Variants in CTNNA3 observed in about 807,000 individuals in gnomAD.
The protein encoded by CTNNA3 is catenin alpha 3, also known as catenin alpha-3.
A neutral mutation model predicts 95.7 loss-of-function variants in CTNNA3; 76 were observed. The ratio of observed to expected loss-of-function variants is 0.79; its 90% CI spans 0.66 to 0.96. The LOEUF (loss-of-function observed/expected upper bound fraction) is 0.96. Ranked by LOEUF, CTNNA3 falls within the 40% of genes least tolerant of loss-of-function variation. The pLI, the probability that CTNNA3 is intolerant of heterozygous loss-of-function variation, is 0.00. For missense variants in CTNNA3, 1,191 were observed against 1,089.8 expected (o/e 1.09, Z -1.31); for synonymous variants, 431 against 374.4 (o/e 1.15, Z -1.74).
chr10:66,569,433 A>G (rs1842804043), intron 10 of CTNNA3, among the ~76,000 whole-genome samples: 2 of 152,320 alleles, frequency 1.3e-5, no homozygotes, highest in Non-Finnish European at 1.5e-5. Context: ...GAAGCATAAT[A>G]TGCAACAGAT....
intron 7 of CTNNA3, among the ~76,000 whole-genome samples, chr10:66,858,376 C>T (rs965172105): frequency 7.2e-5 from 11 of 151,912 alleles, no homozygotes; most frequent in Non-Finnish European, 1.5e-4. Flanking sequence ...GTTGTTGTGT[C>T]TCTGCCAGGT....
intron 7 of CTNNA3, among the ~76,000 whole-genome samples, chr10:67,166,603 A>G (rs1185789939): frequency 6.6e-6 from 1 of 152,168 alleles, no homozygotes; most frequent in Non-Finnish European, 1.5e-5. Context: ...TTTCTAATAA[A>G]GCTGTAACTA....
intron 9 of CTNNA3, among the ~76,000 whole-genome samples, chr10:66,654,458 A>G (rs543838118): frequency 2.0e-5 from 3 of 152,174 alleles, no homozygotes; most frequent in Middle Eastern, 3.4e-3. Context: ...AAAGATAAGT[A>G]TTGGAGAGGA....
intron 5 of CTNNA3, among the ~76,000 whole-genome samples, chr10:67,472,699 T>C (rs1350276579): frequency 6.6e-6 from 1 of 152,136 alleles, no homozygotes; most frequent in African/African-American, 2.4e-5. Context: ...AGCCTGGGAC[T>C]GGGGGGATAG....
intron 5 of CTNNA3, among the ~76,000 whole-genome samples, chr10:67,329,392 T>C (rs1354342176): frequency 2.0e-5 from 3 of 152,114 alleles, no homozygotes; most frequent in Non-Finnish European, 2.9e-5. Flanking sequence ...CAAATAAAAG[T>C]CAAATGGTAA....
intron 1 of CTNNA3, among the ~76,000 whole-genome samples, chr10:67,763,015 T>G (rs186477745): frequency 5.3e-5 from 8 of 152,268 alleles, no homozygotes; most frequent in Non-Finnish European, 1.2e-4. Flanking sequence ...TTGCCGATGC[T>G]CCCAGCCAAA....
intron 7 of CTNNA3, among the ~76,000 whole-genome samples, chr10:67,028,602 C>A (rs1315882043): frequency 1.3e-5 from 2 of 149,876 alleles, no homozygotes; most frequent in Non-Finnish European, 3.0e-5. Flanking sequence ...ATTTTCCAGG[C>A]CAAGAAGGAA....
At chr10:66,668,422 A>ATGTG (rs3055580) in intron 9 of CTNNA3, among the ~76,000 whole-genome samples, 42,523 of 146,782 alleles carry the variant, frequency 0.29, 7,188 homozygotes, top group East Asian at 0.43. Flanking sequence ...CAACTCTCAT[A>ATGTG]TGTGTGTGTG....
chr10:66,847,317 C>G (rs1843316382), intron 7 of CTNNA3, among the ~76,000 whole-genome samples: 1 of 152,094 alleles, frequency 6.6e-6, no homozygotes, highest in African/African-American at 2.4e-5. Flanking sequence ...ATCTATCATT[C>G]CAAATTGACA....
chr10:66,598,964 A>G (rs1359748210), intron 10 of CTNNA3, among the ~76,000 whole-genome samples: 1 of 151,956 alleles, frequency 6.6e-6, no homozygotes, highest in African/African-American at 2.4e-5. Flanking sequence ...GAACAAATCT[A>G]GAGGCATCAC....
At chr10:66,255,615 C>T (rs1263073138) in intron 13 of CTNNA3, among the ~76,000 whole-genome samples, 1 of 152,166 alleles carries the variant, frequency 6.6e-6, no homozygotes, top group Non-Finnish European at 1.5e-5. Context: ...TTTCCATCTG[C>T]TTCATCCCCC....
At chr10:66,255,246 C>A (rs994591792) in intron 13 of CTNNA3, among the ~76,000 whole-genome samples, 1 of 152,130 alleles carries the variant, frequency 6.6e-6, no homozygotes, top group African/African-American at 2.4e-5. Context: ...ATGGTAGGCA[C>A]CCCCAGATAG....
intron 5 of CTNNA3, among the ~76,000 whole-genome samples, chr10:67,368,129 G>A (rs1843284579): frequency 6.6e-6 from 1 of 152,034 alleles, no homozygotes. Flanking sequence ...AAAAATAAAT[G>A]TCCCACAAAG....
intron 17 of CTNNA3, among the ~76,000 whole-genome samples, chr10:65,921,045 T>C (rs143012695): frequency 1.6e-4 from 24 of 152,326 alleles, no homozygotes; most frequent in African/African-American, 5.5e-4. Flanking sequence ...TAGAATCCTG[T>C]TAAATATTAT....
intron 10 of CTNNA3, among the ~76,000 whole-genome samples, chr10:66,593,499 C>T (rs1050397137): frequency 2.0e-5 from 3 of 152,060 alleles, no homozygotes; most frequent in Non-Finnish European, 4.4e-5. Flanking sequence ...AGGGTAGGGC[C>T]TCAATATTTG....
At chr10:67,689,120 C>T (rs952028489) in intron 1 of CTNNA3, among the ~76,000 whole-genome samples, 1 of 152,112 alleles carries the variant, frequency 6.6e-6, no homozygotes, top group African/African-American at 2.4e-5. Context: ...TGGGACCTTA[C>T]CACTGTCCTA....
intron 11 of CTNNA3, among the ~76,000 whole-genome samples, chr10:66,401,413 C>A (rs898083399): frequency 2.0e-5 from 3 of 151,630 alleles, no homozygotes; most frequent in African/African-American, 4.8e-5. Context: ...GTAATCCTAG[C>A]TACTCCAGAG....
intron 16 of CTNNA3, among the ~76,000 whole-genome samples, chr10:65,967,363 G>A (rs1235550444): frequency 6.6e-6 from 1 of 152,130 alleles, no homozygotes; most frequent in Non-Finnish European, 1.5e-5. Flanking sequence ...TAAATCTATA[G>A]AAATATTTAA....
intron 7 of CTNNA3, among the ~76,000 whole-genome samples, chr10:67,125,765 G>A (rs1185220942): frequency 6.6e-6 from 1 of 152,196 alleles, no homozygotes; most frequent in Non-Finnish European, 1.5e-5. Context: ...GAAATGGGAA[G>A]TGTTAATCCA....
Sources: allele counts gnomAD v4.1 joint callset (sites outside exome capture counted in the v4.1 genomes callset), GRCh38; gene constraint gnomAD v4.1.1; transcripts MANE v1.5; gene names NCBI Gene and HGNC (gene_info 2026-07-23, HGNC 2026-07-21).